BBS9: variants seen among roughly 807,000 people sequenced by gnomAD.
The protein encoded by BBS9 is protein PTHB1.
BBS9 carries 89 observed loss-of-function variants against 117.7 expected under a neutral mutation model. That is an observed-to-expected ratio of 0.76 (90% CI 0.64 to 0.90). The LOEUF (loss-of-function observed/expected upper bound fraction) is 0.90. Ranked by LOEUF, BBS9 falls within the 40% of genes least tolerant of loss-of-function variation. BBS9 has a pLI of 0.00. For synonymous variants in BBS9, 379 were observed against 370.9 expected (o/e 1.02, Z -0.25); for missense variants, 982 against 1,042.2 (o/e 0.94, Z 0.80).
chr7:33,406,760 GC>G (rs1258310493), intron 19 of BBS9, among the ~76,000 whole-genome samples: 4 of 151,950 alleles, frequency 2.6e-5, no homozygotes, highest in Non-Finnish European at 5.9e-5. Flanking sequence ...TTGAATATTG[GC>G]CCCCACTCTC....
At chr7:33,221,196 T>C (rs74733469) in intron 5 of BBS9, among the ~76,000 whole-genome samples, 1 of 152,148 alleles carries the variant, frequency 6.6e-6, no homozygotes, top group Non-Finnish European at 1.5e-5. Flanking sequence ...AATTATTGCA[T>C]GTGTTATGTA....
intron 9 of BBS9, among the ~76,000 whole-genome samples, chr7:33,307,576 C>T (rs946868316): frequency 6.6e-6 from 1 of 151,676 alleles, no homozygotes; most frequent in East Asian, 1.9e-4. Context: ...CCTATGAATA[C>T]TAAAGTCTCT....
chr7:33,501,971 C>T (rs1183218018), intron 19 of BBS9, among the ~76,000 whole-genome samples: 1 of 151,888 alleles, frequency 6.6e-6, no homozygotes, highest in Non-Finnish European at 1.5e-5. Context: ...AGTGCAGTGG[C>T]ACAATCTCGG....
At chr7:33,348,579 G>C (rs1382863787) in intron 12 of BBS9, among the ~76,000 whole-genome samples, 1 of 152,008 alleles carries the variant, frequency 6.6e-6, no homozygotes, top group Non-Finnish European at 1.5e-5. Context: ...CGTTTCTCTT[G>C]GTATAGAATT....
At chr7:33,303,549 C>T (rs12155002) in intron 9 of BBS9, among the ~76,000 whole-genome samples, 29,761 of 116,720 alleles carry the variant, frequency 0.25, 4,021 homozygotes, top group Admixed American at 0.41. Flanking sequence ...TCTTTGGTCT[C>T]CCTCTGTTGC....
intron 3 of BBS9, among the ~76,000 whole-genome samples, chr7:33,154,876 C>T (rs911225533): frequency 6.6e-6 from 1 of 152,238 alleles, no homozygotes; most frequent in Non-Finnish European, 1.5e-5. Flanking sequence ...AAATGTGGGG[C>T]TCTGGCCCCA....
chr7:33,152,569 C>A, intron 2 of BBS9, 132 bp from the exon 3 acceptor site: 1 of 816,442 alleles, frequency 1.2e-6, no homozygotes, highest in South Asian at 1.7e-5. Context: ...ACAGAGTGGC[C>A]TTTGTGTATA....
At chr7:33,380,383 C>G (rs1824759896) in intron 17 of BBS9, 1 of 156,764 alleles carries the variant, frequency 6.4e-6, no homozygotes, top group Non-Finnish European at 1.4e-5. Flanking sequence ...CATGCCCTCA[C>G]CTTGGACAAG....
intron 5 of BBS9, among the ~76,000 whole-genome samples, chr7:33,197,007 C>T (rs1785057932): frequency 6.6e-6 from 1 of 151,908 alleles, no homozygotes; most frequent in Non-Finnish European, 1.5e-5. Flanking sequence ...TTCTGATTCC[C>T]GTTATACATA....
At chr7:33,537,152 A>T (rs1021266549) in intron 21 of BBS9, among the ~76,000 whole-genome samples, 1 of 152,172 alleles carries the variant, frequency 6.6e-6, no homozygotes, top group African/African-American at 2.4e-5. Context: ...TCAGTATTAA[A>T]AGGCAGGAGT....
At chr7:33,354,907 G>T (rs1209537119) in intron 15 of BBS9, among the ~76,000 whole-genome samples, 1 of 152,010 alleles carries the variant, frequency 6.6e-6, no homozygotes, top group Non-Finnish European at 1.5e-5. Context: ...TGAAGGAGAG[G>T]TGATTATATC....
rs968148294 is a variant in BBS9 at position 33,596,391 on chromosome 7, C to CTATCTATCTATCTATCTATA, written c.2522-8471_2522-8470insCTATCTATCTATCTATATAT. ...TCTATCTATCTATCTATCTATCTATCTATATATAATTAGTCAAAAAAATTC... is the reference window on the plus strand; with the variant it reads ...TCTATCTATCTATCTATCTATCTATCTATCTATCTATCTATCTATATATATATAATTAGTCAAAAAAATTC... On this transcript the variant is annotated intron_variant, in intron 21 of 22. Transcript: ENST00000242067. 3.1e-4 allele frequency among the ~76,000 whole-genome samples: 46 copies of CTATCTATCTATCTATCTATA among 150,526 alleles called. No homozygotes were observed. In the South Asian group the frequency reaches 4.4e-3, roughly 15 times the overall value.
intron 16 of BBS9, among the ~76,000 whole-genome samples, chr7:33,366,353 C>G: frequency 6.6e-6 from 1 of 151,970 alleles, no homozygotes; most frequent in Admixed American, 6.6e-5. Flanking sequence ...CCATTTGTTC[C>G]GTTTTGCTGC....
chr7:33,173,398 G>A lies in BBS9; in HGVS notation c.329-4080G>A, dbSNP rs754375990. ...GATCGAGACCATCCTGGCTAACACC[G>A]TGAAACCCCATCTCTATTAAAAAAT... On this transcript the variant is annotated intron_variant, in intron 4 of 22. Transcript: ENST00000242067. Among the ~76,000 whole-genome samples, 85 of 152,008 alleles carry A rather than the reference G, an allele frequency of 5.6e-4. 1 individual carries two copies. In the Middle Eastern group the frequency reaches 0.014, roughly 24 times the overall value.
At chr7:33,181,153 G>A (rs146041440) in intron 5 of BBS9, among the ~76,000 whole-genome samples, 54 of 152,298 alleles carry the variant, frequency 3.5e-4, no homozygotes, top group African/African-American at 1.2e-3. Flanking sequence ...CCAGCATGCC[G>A]ATGCCAAGAG....
intron 4 of BBS9, among the ~76,000 whole-genome samples, chr7:33,157,454 C>T (rs73309423): frequency 0.099 from 15,111 of 152,200 alleles, 837 homozygotes; most frequent in African/African-American, 0.13. Context: ...TTAGGCCCCA[C>T]CTCACTTCCC....
chr7:33,174,627 G>A (rs1797062154), intron 4 of BBS9, among the ~76,000 whole-genome samples: 2 of 152,192 alleles, frequency 1.3e-5, no homozygotes, highest in African/African-American at 2.4e-5. Flanking sequence ...ACAAGGGAAG[G>A]TTACAGTCTG....
In BBS9 at chr7:33,485,373, G is replaced by A. The variant is rs544078248; in HGVS notation, c.2116-20090G>A. ...TGCCCAGGCTGGAGTGCAGTGGCGC[G>A]ATCTCGGCTCATTGCAAGCTCCGCC... On this transcript the variant is annotated intron_variant, in intron 19 of 22. Transcript: ENST00000242067. Among the ~76,000 whole-genome samples, 602 of 148,532 alleles carry A rather than the reference G, an allele frequency of 4.1e-3. 3 individuals carry two copies. The highest frequency in any genetic ancestry group is 0.014 in the African/African-American group (557 of 40,240).
intron 20 of BBS9, among the ~76,000 whole-genome samples, chr7:33,509,511 T>G (rs1345337153): frequency 6.6e-6 from 1 of 152,284 alleles, no homozygotes; most frequent in East Asian, 1.9e-4. Flanking sequence ...AAAATCTGAA[T>G]GTAATTTAGA....
Sources: gnomAD v4.1 joint callset for allele counts (sites outside exome capture counted in the v4.1 genomes callset) on GRCh38, gnomAD v4.1.1 for gene constraint, MANE v1.5 for transcripts, NCBI Gene and HGNC (gene_info 2026-07-23, HGNC 2026-07-21) for gene names.